ZFP30: variants seen among roughly 807,000 people sequenced by gnomAD.
ZFP30 encodes ZFP30 zinc finger protein.
Under a neutral mutation model 12.3 loss-of-function variants are expected in ZFP30, and 16 were observed. The observed-to-expected ratio is 1.30, with a 90% CI of 0.88 to 1.98. ZFP30 has a LOEUF of 1.98. Among genes scored for constraint, ZFP30 ranks in the 30% most tolerant of loss-of-function variants. ZFP30 has a pLI of 0.00. For missense variants in ZFP30, 560 were observed against 611.2 expected, an observed-to-expected ratio of 0.92 and a Z score of 0.88; for synonymous variants, 172 against 201.0, an observed-to-expected ratio of 0.86 and a Z score of 1.22.
intron 2 of ZFP30, chr19:37,651,646 ACAGT>A (rs999519962): frequency 6.6e-6 from 1 of 152,264 alleles, no homozygotes; most frequent in Admixed American, 6.5e-5. Flanking sequence ...CTTCAGAAAT[ACAGT>A]CAAATACTTC....
At chr19:37,638,368 G>T (rs941027833) in intron 5 of ZFP30, among the ~76,000 whole-genome samples, 8 of 152,148 alleles carry the variant, frequency 5.3e-5, no homozygotes, top group Non-Finnish European at 1.0e-4. Flanking sequence ...GATTTTCCAG[G>T]TGTAACAACA....
chr19:37,644,424 C>G (rs2044498271), intron 4 of ZFP30, 186 bp downstream of exon 4: 19 of 445,160 alleles, frequency 4.3e-5, no homozygotes, highest in Non-Finnish European at 7.4e-5. Context: ...GTCCCAGCTA[C>G]TCGGGAGGCT....
At chr19:37,648,630 G>A (rs1010743201) in intron 2 of ZFP30, among the ~76,000 whole-genome samples, 1 of 152,166 alleles carries the variant, frequency 6.6e-6, no homozygotes, top group Non-Finnish European at 1.5e-5. Flanking sequence ...CAGTACGTCT[G>A]GGATTGGACT....
chr19:37,645,465 CT>C (rs1032454512), intron 3 of ZFP30, among the ~76,000 whole-genome samples: 1 of 149,860 alleles, frequency 6.7e-6, no homozygotes, highest in East Asian at 1.9e-4. Context: ...CCACATTCTT[CT>C]TTTTTTTTGT....
At chr19:37,638,726 C>T (rs1385002748) in intron 5 of ZFP30, among the ~76,000 whole-genome samples, 3 of 152,070 alleles carry the variant, frequency 2.0e-5, no homozygotes, top group Non-Finnish European at 2.9e-5. Context: ...CAAAACTAGA[C>T]ATACAACAAT....
intron 2 of ZFP30, among the ~76,000 whole-genome samples, chr19:37,653,044 G>A (rs1431003702): frequency 2.0e-5 from 3 of 151,104 alleles, no homozygotes; most frequent in African/African-American, 7.3e-5. Context: ...TTGAACCCGG[G>A]AGGCAGCGGT....
At position 37,637,228 on chromosome 19, in the gene ZFP30, G is replaced by A. The variant is rs1283864581; in HGVS notation, c.236-923C>T. Among the ~76,000 whole-genome samples the A allele has an allele frequency of 2.8e-5, 4 of 141,460 alleles. No individual in the cohort carries two copies. In the East Asian group the frequency reaches 8.2e-4, roughly 29 times the overall value. The allele number at this position is 141,460 out of a possible 152,430, so 92.8% of individuals were successfully genotyped here. A position where few individuals can be genotyped will look rare whatever the true frequency, so the allele number is the denominator to read the frequency against. On this transcript the variant is annotated intron_variant, in intron 5 of 5. Coordinates refer to ENST00000684514, the MANE Select transcript of ZFP30 (RefSeq NM_001320669.3). ...CTTTTTTTTTTTTTTTTTAAAGACA[G>A]AGTTTCGCTCTTGTTGCCCAAGCTG...
intron 5 of ZFP30, among the ~76,000 whole-genome samples, chr19:37,636,671 C>G (rs2044334326): frequency 6.6e-6 from 1 of 152,038 alleles, no homozygotes; most frequent in African/African-American, 2.4e-5. Context: ...CCCTATGACA[C>G]TTGCCTGCCT....
At position 37,633,969 on chromosome 19, in the gene ZFP30, ATCTAATATTG is replaced by A. The variant is rs2044275544; in HGVS notation, c.*1002_*1011del. The A allele has an allele frequency of 6.6e-6, 1 of 152,216 alleles. No individual in the cohort carries two copies. Among genetic ancestry groups the A allele is most frequent in the Non-Finnish European group, 1.5e-5 (1 of 68,038 alleles). 9.4% of individuals were successfully genotyped at this position (152,216 alleles called of 1,614,324 possible). A position where few individuals can be genotyped will look rare whatever the true frequency, so the allele number is the denominator to read the frequency against. Reference sequence around the variant, plus strand: ...ACACATAACAAAGTTTCTTAATATTATCTAATATTGTCAATATTCCATTCTCCCAATTATT... The same window carrying A: ...ACACATAACAAAGTTTCTTAATATTATCAATATTCCATTCTCCCAATTATT... On this transcript the variant is annotated 3_prime_UTR_variant, in exon 6 of 6. Coordinates refer to ENST00000684514, the MANE Select transcript of ZFP30 (RefSeq NM_001320669.3).
intron 5 of ZFP30, among the ~76,000 whole-genome samples, chr19:37,637,596 T>A (rs749964806): frequency 2.0e-5 from 3 of 152,120 alleles, no homozygotes; most frequent in Non-Finnish European, 4.4e-5. Flanking sequence ...TTCAAGCAAT[T>A]CTCGTGTCTC....
rs748787304 is a variant in ZFP30, at chr19:37,635,036, G to A, written c.1505C>T (p.Ala502Val). The A allele has an allele frequency of 6.3e-7, 1 of 1,592,622 alleles. No individual in the cohort carries two copies. The highest frequency in any genetic ancestry group is 8.5e-7 in the Non-Finnish European group (1 of 1,172,062). Residue 502 changes from alanine (A) to valine (V), a missense_variant, in exon 6 of 6, where the codon GCA (alanine) becomes GTA (valine). Coordinates refer to ENST00000684514, the MANE Select transcript of ZFP30 (RefSeq NM_001320669.3). ...AGTAAGATGTGAATGTTGTCTAAAT[G>A]CCTTTTTACATTCCTTACATTTGTA... ...KPYKCKECKK[A>V]FRQHSHLTYH... is the part of the protein sequence containing the mutation.
chr19:37,655,477 CCT>C (rs1279826327), upstream of ZFP30: 2 of 152,438 alleles, frequency 1.3e-5, no homozygotes, highest in Non-Finnish European at 1.5e-5. Flanking sequence ...CGGGAGAGCG[CCT>C]GTCTCCGTCG....
intron 4 of ZFP30, among the ~76,000 whole-genome samples, chr19:37,643,785 T>C (rs1348131090): frequency 6.6e-6 from 1 of 152,258 alleles, no homozygotes; most frequent in Admixed American, 6.5e-5. Flanking sequence ...TTTTTGATTT[T>C]TTTTTTAAAG....
At chr19:37,647,765 A>C in intron 3 of ZFP30, 49 bp downstream of exon 3, 3 of 1,611,102 alleles carry the variant, frequency 1.9e-6, no homozygotes, top group Non-Finnish European at 2.5e-6. Context: ...TGTTCACATA[A>C]CCTGAAAAAA....
Position 37,631,528 on chromosome 19 carries a change from A to C in ZFP30, c.*3453T>G, listed in dbSNP as rs1253601721. On this transcript the variant is annotated 3_prime_UTR_variant, in exon 6 of 6. Coordinates refer to ENST00000684514, the MANE Select transcript of ZFP30 (RefSeq NM_001320669.3). ...CCAATTATAACAGCAAATACAGTTC[A>C]TAATGGATGACCACGGTGAAATCAC... The C allele has an allele frequency of 1.3e-5, 2 of 152,204 alleles. No individual in the cohort carries two copies. The highest frequency in any genetic ancestry group is 3.9e-4 in the East Asian group (2 of 5,194). 9.4% of individuals were successfully genotyped at this position (152,204 alleles called of 1,614,324 possible).
At position 37,635,671 on chromosome 19, in the gene ZFP30, T is replaced by G; in HGVS notation, c.870A>C (p.Arg290Ser). 2 of 1,613,932 alleles carry G rather than the reference T, an allele frequency of 1.2e-6. No homozygotes were observed. The highest frequency in any genetic ancestry group is 1.7e-6 in the Non-Finnish European group (2 of 1,179,968). Reference protein sequence around the residue: ...RQYAHLTRHQRLNIAEKCYEC... With the variant: ...RQYAHLTRHQSLNIAEKCYEC... ...CATAGCACTTCTCAGCAATGTTCAG[T>G]CTCTGATGTCGAGTAAGGTGTGCAT... The change falls in exon 6 of 6, where the codon AGA becomes AGC. Residue 290 changes from arginine (R) to serine (S), a missense_variant. Physicochemically the swap from Arg to Ser is moderately radical, Grantham distance 110 (BLOSUM62 -1). Coordinates refer to ENST00000684514, the MANE Select transcript of ZFP30 (RefSeq NM_001320669.3).
chr19:37,644,835 A>T, intron 3 of ZFP30, 99 bp from the exon 4 acceptor site: 2 of 1,230,338 alleles, frequency 1.6e-6, no homozygotes. Flanking sequence ...TTATAATTCT[A>T]GCTTTGGGAG....
chr19:37,653,239 TATCTC>T (rs2044689316), intron 2 of ZFP30, among the ~76,000 whole-genome samples: 1 of 152,146 alleles, frequency 6.6e-6, no homozygotes. Context: ...CTGAGTATTG[TATCTC>T]ATCAAGACCC....
intron 2 of ZFP30, among the ~76,000 whole-genome samples, chr19:37,651,744 A>T (rs566841424): frequency 6.6e-6 from 1 of 152,298 alleles, no homozygotes; most frequent in East Asian, 1.9e-4. Flanking sequence ...TGAAAAGTTG[A>T]TCAAGTCATA....
Sources: allele counts gnomAD v4.1 joint callset (sites outside exome capture counted in the v4.1 genomes callset), GRCh38; gene constraint gnomAD v4.1.1; transcripts MANE v1.5; gene names NCBI Gene and HGNC (gene_info 2026-07-23, HGNC 2026-07-21).